Variants in SPAG9 observed in about 807,000 individuals in gnomAD.
The protein encoded by SPAG9 is C-Jun-amino-terminal kinase-interacting protein 4.
SPAG9 carries 35 observed loss-of-function variants against 166.5 expected under a neutral mutation model. The observed-to-expected ratio is 0.21, with a 90% CI of 0.16 to 0.28. SPAG9 has a LOEUF of 0.28. Ranked by LOEUF, SPAG9 falls within the 10% of genes least tolerant of loss-of-function variation. The pLI, the probability that SPAG9 is intolerant of heterozygous loss-of-function variation, is 1.00. For missense variants in SPAG9, 1,235 were observed against 1,603.3 expected (o/e 0.77, Z 3.92); for synonymous variants, 534 against 565.5 (o/e 0.94, Z 0.79).
chr17:51,075,260 C>A (rs1598133444), intron 2 of SPAG9, among the ~76,000 whole-genome samples: 2 of 130,874 alleles, frequency 1.5e-5, no homozygotes, highest in Admixed American at 7.7e-5. Context: ...ATTTTGTTTA[C>A]ATTTATTAGA....
chr17:51,007,345 T>G lies in SPAG9; in HGVS notation c.1214-19A>C. 6.8e-7 allele frequency: 1 copy of G among 1,466,264 alleles called. No individual in the cohort carries two copies. Among genetic ancestry groups the G allele is most frequent in the Non-Finnish European group, 9.4e-7 (1 of 1,069,094 alleles). 90.8% of individuals were successfully genotyped at this position (1,466,264 alleles called of 1,614,324 possible). On this transcript the variant is annotated intron_variant, in intron 9 of 29. Coordinates refer to ENST00000262013, the MANE Select transcript of SPAG9 (RefSeq NM_001130528.3). ...CCCATTCCTATCAAACGAAAAAAGATAAAGACTTTGAAAATAAATGCATCA... is the reference window on the plus strand; with the variant it reads ...CCCATTCCTATCAAACGAAAAAAGAGAAAGACTTTGAAAATAAATGCATCA...
At chr17:51,055,640 C>A (rs1435005661) in intron 3 of SPAG9, among the ~76,000 whole-genome samples, 1 of 151,538 alleles carries the variant, frequency 6.6e-6, no homozygotes, top group Admixed American at 6.6e-5. Context: ...CCATATGTAT[C>A]ATGGGAAATA....
chr17:51,016,767 T>C (rs562269232), intron 8 of SPAG9, among the ~76,000 whole-genome samples: 121 of 152,074 alleles, frequency 8.0e-4, no homozygotes, highest in Middle Eastern at 3.4e-3. Flanking sequence ...TAGCCAGGCA[T>C]GGTGGCTCAC....
intron 26 of SPAG9, among the ~76,000 whole-genome samples, chr17:50,978,330 G>A (rs1974340225): frequency 6.6e-6 from 1 of 152,202 alleles, no homozygotes. Flanking sequence ...GTGTTTGCAT[G>A]TGTATATATT....
chr17:51,055,499 A>G (rs1229678360), intron 3 of SPAG9, among the ~76,000 whole-genome samples: 1 of 152,204 alleles, frequency 6.6e-6, no homozygotes, highest in Non-Finnish European at 1.5e-5. Flanking sequence ...TTGTTTTATG[A>G]TTATAGATTA....
At position 50,970,863 on chromosome 17, in the gene SPAG9, T is replaced by A. The variant is rs769481654; in HGVS notation, c.3701-7A>T. 1 of 1,612,548 alleles carries A rather than the reference T, an allele frequency of 6.2e-7. No individual in the cohort carries two copies. The highest frequency in any genetic ancestry group is 8.5e-7 in the Non-Finnish European group (1 of 1,179,050). Reference sequence around the variant, plus strand: ...TGTGGGCTGATGACTTGACCTGTTTTATACAGAAACAAAAGTGAATATTAC... The same window carrying A: ...TGTGGGCTGATGACTTGACCTGTTTAATACAGAAACAAAAGTGAATATTAC... On this transcript the variant is annotated splice_region_variant and splice_polypyrimidine_tract_variant and intron_variant, in intron 28 of 29. Coordinates refer to ENST00000262013, the MANE Select transcript of SPAG9 (RefSeq NM_001130528.3).
chr17:51,115,243 T>C (rs1055347184), intron 1 of SPAG9, among the ~76,000 whole-genome samples: 3 of 152,042 alleles, frequency 2.0e-5, no homozygotes, highest in Non-Finnish European at 4.4e-5. Flanking sequence ...AAGGCTGGAG[T>C]GCCGTGGCCA....
At chr17:51,010,616 T>C (rs2045440965) in intron 9 of SPAG9, among the ~76,000 whole-genome samples, 1 of 149,212 alleles carries the variant, frequency 6.7e-6, no homozygotes, top group Non-Finnish European at 1.5e-5. Context: ...TATGTATGTA[T>C]ACACACACAC....
At chr17:51,039,928 C>G (rs1401046858) in intron 5 of SPAG9, among the ~76,000 whole-genome samples, 1 of 151,932 alleles carries the variant, frequency 6.6e-6, no homozygotes, top group Non-Finnish European at 1.5e-5. Context: ...CATTGTGGTA[C>G]AGAAGTAAAG....
rs570264507 is a variant in SPAG9 at position 51,008,755 on chromosome 17, C to A, written c.1214-1429G>T. Among the ~76,000 whole-genome samples the A allele has an allele frequency of 3.3e-5, 5 of 152,010 alleles. No homozygotes were observed. In the South Asian group the frequency reaches 6.2e-4, roughly 19 times the overall value. On this transcript the variant is annotated intron_variant, in intron 9 of 29. Transcript: ENST00000262013. ...CTATGTATTATCTACAAACTGAAACCAAACAAAACAAAATAAAAGTCCCAA... is the reference window on the plus strand; with the variant it reads ...CTATGTATTATCTACAAACTGAAACAAAACAAAACAAAATAAAAGTCCCAA...
intron 5 of SPAG9, among the ~76,000 whole-genome samples, chr17:51,032,133 T>C (rs915280581): frequency 2.0e-5 from 3 of 152,228 alleles, no homozygotes; most frequent in Non-Finnish European, 4.4e-5. Flanking sequence ...ATAACACTAA[T>C]GATCAAAGGA....
intron 2 of SPAG9, among the ~76,000 whole-genome samples, chr17:51,078,451 T>C (rs2048075053): frequency 6.6e-6 from 1 of 152,224 alleles, no homozygotes; most frequent in South Asian, 2.1e-4. Flanking sequence ...TGTACCTTTA[T>C]AGCTGGTGTC....
At chr17:51,094,348 A>C (rs1339328166) in intron 1 of SPAG9, among the ~76,000 whole-genome samples, 1 of 152,240 alleles carries the variant, frequency 6.6e-6, no homozygotes, top group Non-Finnish European at 1.5e-5. Context: ...GACTCTGACA[A>C]AACAGACAAA....
chr17:50,984,800 G>A, intron 24 of SPAG9, 123 bp downstream of exon 24: 1 of 776,020 alleles, frequency 1.3e-6, no homozygotes, highest in Non-Finnish European at 2.3e-6. Flanking sequence ...TACTGATGTT[G>A]TGTATTGTTA....
chr17:51,099,759 T>TAAAAA (rs58721041), intron 1 of SPAG9, among the ~76,000 whole-genome samples: 43 of 43,630 alleles, frequency 9.9e-4, no homozygotes, highest in African/African-American at 1.3e-3. Context: ...CTTCTATTAC[T>TAAAAA]AAAAAAAAAA....
At chr17:51,096,024 TATATATATATAGTG>T (rs2048634017) in intron 1 of SPAG9, among the ~76,000 whole-genome samples, 14 of 100,644 alleles carry the variant, frequency 1.4e-4, no homozygotes, top group South Asian at 2.8e-4. Context: ...TATATAGTGA[TATATATATATAGTG>T]ATATATATAT....
intron 9 of SPAG9, chr17:51,009,188 A>G (rs2045355762): frequency 4.4e-6 from 2 of 451,076 alleles, no homozygotes. Flanking sequence ...TCTCAATTAG[A>G]TTGTTTTCAG....
At chr17:51,066,719 C>T (rs182692403) in intron 2 of SPAG9, among the ~76,000 whole-genome samples, 159 of 151,650 alleles carry the variant, frequency 1.0e-3, no homozygotes, top group African/African-American at 3.6e-3. Context: ...TGGTGAAACC[C>T]CGTCTCTACT....
rs145687681 is a variant in SPAG9 at position 50,974,504 on chromosome 17, A to T, written c.3700+267T>A. 4.6e-3 allele frequency among the ~76,000 whole-genome samples: 701 copies of T among 152,342 alleles called. 7 individuals carry two copies. Among genetic ancestry groups the T allele is most frequent in the African/African-American group, 0.016 (654 of 41,576 alleles). On this transcript the variant is annotated intron_variant, in intron 28 of 29. Transcript: ENST00000262013. ...ATTTTTGGCAATCCACGATGATAAAATAATACTACTGCTTTTCAAAAGTAA... is the reference window on the plus strand; with the variant it reads ...ATTTTTGGCAATCCACGATGATAAATTAATACTACTGCTTTTCAAAAGTAA...
Sources: allele counts gnomAD v4.1 joint callset (sites outside exome capture counted in the v4.1 genomes callset), GRCh38; gene constraint gnomAD v4.1.1; transcripts MANE v1.5; gene names NCBI Gene and HGNC (gene_info 2026-07-23, HGNC 2026-07-21).